Variants in RARB observed in about 807,000 individuals in gnomAD.
The protein encoded by RARB is HBV-activated protein.
In RARB, 17 loss-of-function variants were observed where a neutral mutation model predicts 51.9. The ratio of observed to expected loss-of-function variants is 0.33; its 90% CI spans 0.22 to 0.49. The LOEUF is 0.49. Ranked by LOEUF, RARB falls within the 20% of genes least tolerant of loss-of-function variation. RARB has a pLI of 0.99. For synonymous variants in RARB, 215 were observed against 195.4 expected (o/e 1.10, Z -0.84); for missense variants, 369 against 550.8 (o/e 0.67, Z 3.30).
chr3:24,902,704 T>C (rs1703634482), intron 2 of RARB, among the ~76,000 whole-genome samples: 1 of 152,190 alleles, frequency 6.6e-6, no homozygotes, highest in Non-Finnish European at 1.5e-5. Flanking sequence ...ATGGTCATTA[T>C]AAAAATGCTC....
intron 3 of RARB, among the ~76,000 whole-genome samples, chr3:25,098,664 T>A (rs967026391): frequency 1.3e-5 from 2 of 152,166 alleles, no homozygotes; most frequent in Non-Finnish European, 2.9e-5. Context: ...TGTCTATGGC[T>A]GATTTTGCAC....
intron 1 of RARB, among the ~76,000 whole-genome samples, chr3:24,852,864 A>C (rs1325910517): frequency 6.6e-6 from 1 of 152,162 alleles, no homozygotes; most frequent in African/African-American, 2.4e-5. Flanking sequence ...AAATTGGCCC[A>C]GGGTTATTTT....
intron 5 of RARB, among the ~76,000 whole-genome samples, chr3:25,191,010 A>G (rs1701091028): frequency 6.6e-6 from 1 of 151,716 alleles, no homozygotes; most frequent in African/African-American, 2.4e-5. Context: ...TTTCCTCCTT[A>G]GGTTCACGTT....
intron 1 of RARB, among the ~76,000 whole-genome samples, chr3:24,832,210 A>G (rs1390382405): frequency 6.6e-6 from 1 of 152,224 alleles, no homozygotes; most frequent in Non-Finnish European, 1.5e-5. Context: ...GGATCAATCA[A>G]GCATATGAAT....
chr3:25,522,618 A>T (rs1698450092), intron 3 of RARB, among the ~76,000 whole-genome samples: 1 of 152,144 alleles, frequency 6.6e-6, no homozygotes, highest in African/African-American at 2.4e-5. Flanking sequence ...AAAGAGAAGG[A>T]AGACATGAGG....
chr3:24,834,770 C>T (rs6794654), intron 1 of RARB, among the ~76,000 whole-genome samples: 91,616 of 152,088 alleles, frequency 0.6, 28,238 homozygotes, highest in African/African-American at 0.72. Flanking sequence ...AGTAACAGGA[C>T]TGCAAGAAGA....
intron 2 of RARB, among the ~76,000 whole-genome samples, chr3:24,917,322 A>G (rs1284365855): frequency 6.6e-6 from 1 of 152,204 alleles, no homozygotes; most frequent in Non-Finnish European, 1.5e-5. Context: ...TGATACATTG[A>G]CTAAACTTAA....
chr3:25,104,753 A>G (rs1304329550), intron 3 of RARB, among the ~76,000 whole-genome samples: 2 of 152,358 alleles, frequency 1.3e-5, no homozygotes, highest in South Asian at 2.1e-4. Context: ...TATACCCACA[A>G]CAGTAGAACA....
At chr3:25,400,560 A>C (rs2116702) in intron 5 of RARB, among the ~76,000 whole-genome samples, 86,125 of 152,048 alleles carry the variant, frequency 0.57, 25,111 homozygotes, top group East Asian at 0.82. Flanking sequence ...CTTGAACTAA[A>C]TATTTAAAAT....
chr3:24,987,244 TC>T (rs5847333), intron 2 of RARB, among the ~76,000 whole-genome samples: 73,956 of 151,862 alleles, frequency 0.49, 18,451 homozygotes, highest in Admixed American at 0.6. Flanking sequence ...AAAATCAACA[TC>T]TGTTTTTTTT....
intron 3 of RARB, among the ~76,000 whole-genome samples, chr3:25,556,438 C>A (rs1700061731): frequency 6.6e-6 from 1 of 152,126 alleles, no homozygotes; most frequent in Admixed American, 6.6e-5. Context: ...GCATTCAGGA[C>A]AACCAAGGCC....
At chr3:25,169,989 TAAAA>T (rs58403240) in intron 4 of RARB, among the ~76,000 whole-genome samples, 66 of 137,470 alleles carry the variant, frequency 4.8e-4, no homozygotes, top group African/African-American at 8.3e-4. Context: ...CCTTATTTCT[TAAAA>T]AAAAAAAAAA....
chr3:25,421,239 G>A (rs931572591), intron 5 of RARB, among the ~76,000 whole-genome samples: 4 of 151,716 alleles, frequency 2.6e-5, no homozygotes, highest in African/African-American at 9.7e-5. Flanking sequence ...CATATTTGCA[G>A]CCCCTACCCC....
intron 5 of RARB, among the ~76,000 whole-genome samples, chr3:25,296,991 G>A (rs1575292170): frequency 6.6e-6 from 1 of 152,190 alleles, no homozygotes; most frequent in South Asian, 2.1e-4. Context: ...GTTTTGTGTA[G>A]GGCTCTCATT....
At chr3:25,042,658 A>G (rs1698136427) in intron 2 of RARB, among the ~76,000 whole-genome samples, 1 of 152,220 alleles carries the variant, frequency 6.6e-6, no homozygotes, top group Non-Finnish European at 1.5e-5. Context: ...ATGGGCACTG[A>G]ATAATACTTA....
intron 2 of RARB, among the ~76,000 whole-genome samples, chr3:24,913,095 C>T (rs1320082003): frequency 6.6e-5 from 10 of 150,402 alleles, no homozygotes; most frequent in Admixed American, 6.0e-4. Flanking sequence ...ATTCTCCTGC[C>T]TCAGCCTCCT....
chr3:25,165,708 G>A (rs190115168), intron 4 of RARB, among the ~76,000 whole-genome samples: 80 of 152,264 alleles, frequency 5.3e-4, no homozygotes, highest in African/African-American at 1.9e-3. Context: ...TACATGAAAA[G>A]ACCTTAGGTG....
intron 4 of RARB, among the ~76,000 whole-genome samples, chr3:25,138,412 A>T (rs1412639210): frequency 6.6e-6 from 1 of 151,688 alleles, no homozygotes; most frequent in Non-Finnish European, 1.5e-5. Flanking sequence ...AGGACCATTG[A>T]TTCAGTCCCT....
At chr3:25,254,602 T>C (rs1360663874) in intron 5 of RARB, among the ~76,000 whole-genome samples, 1 of 150,624 alleles carries the variant, frequency 6.6e-6, no homozygotes, top group African/African-American at 2.4e-5. Context: ...AGCTGGGGGG[T>C]CGGGGGGTGC....
Sources: allele counts gnomAD v4.1 joint callset (sites outside exome capture counted in the v4.1 genomes callset), GRCh38; gene constraint gnomAD v4.1.1; transcripts MANE v1.5; gene names NCBI Gene and HGNC (gene_info 2026-07-23, HGNC 2026-07-21).